The following BEND6 variants were observed in gnomAD, a reference collection of about 807,000 sequenced individuals.
The protein encoded by BEND6 is BEN domain containing 6.
BEND6 carries 24 observed loss-of-function variants against 31.8 expected under a neutral mutation model. The observed-to-expected ratio is 0.75, with a 90% confidence interval of 0.55 to 1.06. BEND6 has a LOEUF of 1.06. Ranked by LOEUF, BEND6 falls within the 50% of genes least tolerant of loss-of-function variation. BEND6 has a pLI of 0.00. For missense variants in BEND6, 294 were observed against 327.4 expected (o/e 0.90, Z 0.79); for synonymous variants, 109 against 114.6 (o/e 0.95, Z 0.31).
At chr6:57,005,296 T>C (rs1827116005) in intron 3 of BEND6, among the ~76,000 whole-genome samples, 1 of 152,118 alleles carries the variant, frequency 6.6e-6, no homozygotes, top group South Asian at 2.1e-4. Context: ...TTATAAAATA[T>C]CTACTAATTC....
At chr6:57,009,349 C>A (rs1254514725) in intron 3 of BEND6, 1 of 152,006 alleles carries the variant, frequency 6.6e-6, no homozygotes, top group Non-Finnish European at 1.5e-5. Flanking sequence ...CCTGATCTGA[C>A]CTTTATACAT....
At chr6:56,964,404 T>C (rs1056940400) in intron 1 of BEND6, among the ~76,000 whole-genome samples, 3 of 152,196 alleles carry the variant, frequency 2.0e-5, no homozygotes, top group Non-Finnish European at 4.4e-5. Flanking sequence ...AGGTTCTGTG[T>C]CCTGCTGACT....
At chr6:57,015,924 A>G (rs191943511) in intron 4 of BEND6, among the ~76,000 whole-genome samples, 164 of 152,300 alleles carry the variant, frequency 1.1e-3, no homozygotes, top group Non-Finnish European at 1.8e-3. Flanking sequence ...GTCAAGATCA[A>G]TCTGAGAACC....
chr6:57,018,196 C>G (rs1298922257), intron 5 of BEND6, among the ~76,000 whole-genome samples: 1 of 152,284 alleles, frequency 6.6e-6, no homozygotes, highest in East Asian at 1.9e-4. Flanking sequence ...TTAATCACTA[C>G]CATAGGATCT....
rs1014359812 is a variant in BEND6 at position 57,011,984 on chromosome 6, G to A, written c.299-3149G>A. On this transcript the variant is annotated intron_variant, in intron 3 of 6. Coordinates refer to ENST00000370746, the MANE Select transcript of BEND6 (RefSeq NM_152731.3). Reference sequence around the variant, plus strand: ...CTACTAAAAATACAAAAATTAGCTGGCATGGTAGTGCACACCTGTAGTCCC... The same window carrying A: ...CTACTAAAAATACAAAAATTAGCTGACATGGTAGTGCACACCTGTAGTCCC... Among the ~76,000 whole-genome samples the A allele has an allele frequency of 2.0e-5, 3 of 152,126 alleles. No homozygotes were observed. The East Asian group carries it at 5.8e-4, about 30-fold the overall frequency.
At chr6:57,020,351 A>G (rs1001781382) in intron 6 of BEND6, among the ~76,000 whole-genome samples, 10 of 151,684 alleles carry the variant, frequency 6.6e-5, no homozygotes, top group Non-Finnish European at 1.3e-4. Flanking sequence ...AGCTCAAGCA[A>G]TCCTTCCACC....
At chr6:56,988,854 C>G (rs954126796) in intron 2 of BEND6, among the ~76,000 whole-genome samples, 3 of 152,038 alleles carry the variant, frequency 2.0e-5, no homozygotes, top group South Asian at 2.1e-4. Flanking sequence ...TATGGCAGAA[C>G]CTTTTCTCTA....
Position 56,964,656 on chromosome 6 carries a change from C to T in BEND6, c.-101+9196C>T, listed in dbSNP as rs116871249. Reference sequence around the variant, plus strand: ...AGCTGAGACTACAAGCAGGCACCACCATACCTGGCTAATTTATTTTATTTT... The same window carrying T: ...AGCTGAGACTACAAGCAGGCACCACTATACCTGGCTAATTTATTTTATTTT... On this transcript the variant is annotated intron_variant, in intron 1 of 6. Coordinates refer to ENST00000370746, the MANE Select transcript of BEND6 (RefSeq NM_152731.3). Among the ~76,000 whole-genome samples, 34 of 152,278 alleles carry T rather than the reference C, an allele frequency of 2.2e-4. No individual in the cohort carries two copies. The East Asian group carries it at 6.2e-3, about 28-fold the overall frequency.
At chr6:57,003,186 C>T (rs530935388) in intron 3 of BEND6, among the ~76,000 whole-genome samples, 1 of 152,040 alleles carries the variant, frequency 6.6e-6, no homozygotes, top group African/African-American at 2.4e-5. Context: ...AGACTAATAT[C>T]GAGTTCTAAA....
chr6:57,011,853 T>C (rs773004065), intron 3 of BEND6, among the ~76,000 whole-genome samples: 51 of 151,046 alleles, frequency 3.4e-4, no homozygotes, highest in Admixed American at 2.0e-3. Flanking sequence ...GGACCGGGCA[T>C]GGTGGCTCAC....
intron 1 of BEND6, among the ~76,000 whole-genome samples, chr6:56,981,193 T>G (rs932739281): frequency 6.6e-6 from 1 of 152,168 alleles, no homozygotes; most frequent in African/African-American, 2.4e-5. Context: ...TTTCCCCCAT[T>G]TCTTATGGCA....
At position 57,014,354 on chromosome 6, in the gene BEND6, G is replaced by GT. The variant is rs1390858024; in HGVS notation, c.299-773dup. 6 of 543,796 alleles carry GT rather than the reference G, an allele frequency of 1.1e-5. No homozygotes were observed. In the African/African-American group the frequency reaches 1.2e-4, roughly 11 times the overall value. The allele number at this position is 543,796 out of a possible 1,614,324, so 33.7% of individuals were successfully genotyped here. ...AGAAAAGTACAAAAAAAGTTTCAGAGTTTTTTCACCTCTCCAGCAGGCTGT... is the reference window on the plus strand; with the variant it reads ...AGAAAAGTACAAAAAAAGTTTCAGAGTTTTTTTCACCTCTCCAGCAGGCTGT... On this transcript the variant is annotated intron_variant, in intron 3 of 6. Coordinates refer to ENST00000370746, the MANE Select transcript of BEND6 (RefSeq NM_152731.3).
intron 3 of BEND6, among the ~76,000 whole-genome samples, chr6:56,999,718 A>G (rs1826855060): frequency 6.6e-6 from 1 of 152,240 alleles, no homozygotes; most frequent in Non-Finnish European, 1.5e-5. Flanking sequence ...GACTGAGACC[A>G]CAGAGAACTT....
At chr6:56,964,551 G>T (rs2127839462) in intron 1 of BEND6, among the ~76,000 whole-genome samples, 1 of 152,034 alleles carries the variant, frequency 6.6e-6, no homozygotes, top group Admixed American at 6.6e-5. Flanking sequence ...GCCCACGCTG[G>T]AGTGCAGTGG....
At chr6:56,963,999 A>T (rs1825379329) in intron 1 of BEND6, among the ~76,000 whole-genome samples, 1 of 145,556 alleles carries the variant, frequency 6.9e-6, no homozygotes, top group South Asian at 2.1e-4. Flanking sequence ...TATTGTTATA[A>T]AATAAGATAG....
At position 56,955,190 on chromosome 6, in the gene BEND6, C is replaced by T. The variant is rs1002935880; in HGVS notation, c.-371C>T. The stretch of plus-strand genomic sequence containing the variant: ...CGGCGTCCGCGGGCTGCACCCGGGC[C>T]TGAGAGCCCAGCGCCCTCCCGCGGG... On this transcript the variant is annotated 5_prime_UTR_variant, in exon 1 of 7. Transcript: ENST00000370746. 6.6e-6 allele frequency: 1 copy of T among 151,414 alleles called. No homozygotes were observed. The highest frequency in any genetic ancestry group is 2.1e-4 in the South Asian group (1 of 4,824). The allele number at this position is 151,414 out of a possible 1,614,324, so 9.4% of individuals were successfully genotyped here. A position where few individuals can be genotyped will look rare whatever the true frequency, so the allele number is the denominator to read the frequency against.
In BEND6 at chr6:57,026,780, C is replaced by T. The variant is rs1359134990; in HGVS notation, c.*708C>T. The T allele has an allele frequency of 2.0e-5, 3 of 152,118 alleles. No individual in the cohort carries two copies. The highest frequency in any genetic ancestry group is 4.4e-5 in the Non-Finnish European group (3 of 68,006). 9.4% of individuals were successfully genotyped at this position (152,118 alleles called of 1,614,324 possible). A position where few individuals can be genotyped will look rare whatever the true frequency, so the allele number is the denominator to read the frequency against. On this transcript the variant is annotated 3_prime_UTR_variant, in exon 7 of 7. Transcript: ENST00000370746. Reference sequence around the variant, plus strand: ...ACCTAAGTTTTTGTGATTGTTAAAACAATGCATCAATTTTCAGGGAAATCT... The same window carrying T: ...ACCTAAGTTTTTGTGATTGTTAAAATAATGCATCAATTTTCAGGGAAATCT...
chr6:56,991,986 G>T (rs776755252), intron 2 of BEND6, among the ~76,000 whole-genome samples: 24 of 152,208 alleles, frequency 1.6e-4, no homozygotes, highest in Non-Finnish European at 3.1e-4. Flanking sequence ...TCATTTGTCT[G>T]TGTGTATTCA....
rs1380533466 is a variant in BEND6 at position 57,027,125 on chromosome 6, C to A, written c.*1053C>A. On this transcript the variant is annotated 3_prime_UTR_variant, in exon 7 of 7. Transcript: ENST00000370746. ...CAGGTTGTCACATGTGACCACTGTG[C>A]AATGCGAAGCCATACTTCTTCAGTG... 2 of 152,184 alleles carry A rather than the reference C, an allele frequency of 1.3e-5. No homozygotes were observed. Among genetic ancestry groups the A allele is most frequent in the Non-Finnish European group, 2.9e-5 (2 of 68,034 alleles). The allele number at this position is 152,184 out of a possible 1,614,324, so 9.4% of individuals were successfully genotyped here.
Sources: allele counts gnomAD v4.1 joint callset (sites outside exome capture counted in the v4.1 genomes callset), GRCh38; gene constraint gnomAD v4.1.1; transcripts MANE v1.5; gene names NCBI Gene and HGNC (gene_info 2026-07-23, HGNC 2026-07-21).